Variants in PCDHGA4 observed in about 807,000 individuals in gnomAD.
PCDHGA4 encodes protocadherin gamma-A4.
In PCDHGA4, 38 loss-of-function variants were observed where a neutral mutation model predicts 54.6. That is an observed-to-expected ratio of 0.70 (90% CI 0.54 to 0.91). The LOEUF (loss-of-function observed/expected upper bound fraction) is 0.91. PCDHGA4 is among the 40% of genes least tolerant of loss of function. The pLI, the probability that PCDHGA4 is intolerant of heterozygous loss-of-function variation, is 0.00. For synonymous variants in PCDHGA4, 511 were observed against 512.9 expected (o/e 1.00, Z 0.05); for missense variants, 1,298 against 1,220.9 (o/e 1.06, Z -0.94).
rs766638463 is a variant in PCDHGA4 at position 141,476,525 on chromosome 5, A to G, written c.2515-18282A>G. ...CAACGACAACAATCCTGCTTTCCCT[A>G]CCCAGGAAATGAAATTGGAGATTAG... On this transcript the variant is annotated intron_variant, in intron 1 of 3. Transcript: ENST00000571252. This position sits in a 1 kb window ranked among gnomAD's most constrained non-coding sequence, Gnocchi z 7.6. 6 of 1,613,950 alleles carry G rather than the reference A, an allele frequency of 3.7e-6. No homozygotes were observed. The African/African-American group carries it at 6.7e-5, about 18-fold the overall frequency.
At position 141,408,540 on chromosome 5, in the gene PCDHGA4, C is replaced by T. The variant is rs201370009; in HGVS notation, c.2514+50919C>T. On this transcript the variant is annotated intron_variant, in intron 1 of 3. Transcript: ENST00000571252. ...CAATTGGAAGCTGTGGTGGAAAATCCTTTAAATATTTTTCATGTCATTGTG... is the reference window on the plus strand; with the variant it reads ...CAATTGGAAGCTGTGGTGGAAAATCTTTTAAATATTTTTCATGTCATTGTG... The T allele has an allele frequency of 1.6e-3, 2,593 of 1,614,046 alleles. 3 individuals are homozygous for T. Among genetic ancestry groups the T allele is most frequent in the Middle Eastern group, 4.5e-3 (27 of 6,062 alleles).
chr5:141,357,723 T>C, intron 1 of PCDHGA4, 102 bp downstream of exon 1: 2 of 1,391,112 alleles, frequency 1.4e-6, no homozygotes, highest in Admixed American at 5.3e-5. Flanking sequence ...AAGTTGCCTC[T>C]TTTAATATTT....
chr5:141,388,779 A>C lies in PCDHGA4; in HGVS notation c.2514+31158A>C, dbSNP rs2091486135. The C allele has an allele frequency of 4.3e-6, 7 of 1,613,974 alleles. No individual in the cohort carries two copies. In the East Asian group the frequency reaches 1.6e-4, roughly 36 times the overall value. On this transcript the variant is annotated intron_variant, in intron 1 of 3. Coordinates refer to ENST00000571252, the MANE Select transcript of PCDHGA4 (RefSeq NM_018917.4). ...TGACCTGAACTCTAACACCGGGGAAATTACTGTTTTAAATACATTAGATTT... is the reference window on the plus strand; with the variant it reads ...TGACCTGAACTCTAACACCGGGGAACTTACTGTTTTAAATACATTAGATTT...
chr5:141,382,131 C>G (rs2150200415), intron 1 of PCDHGA4, among the ~76,000 whole-genome samples: 1 of 152,134 alleles, frequency 6.6e-6, no homozygotes, highest in African/African-American at 2.4e-5. Flanking sequence ...CCTGGCCCCC[C>G]CTCTCATTTT....
At chr5:141,421,616 AC>A in intron 1 of PCDHGA4, 1 of 1,613,792 alleles carries the variant, frequency 6.2e-7, no homozygotes, top group Non-Finnish European at 8.5e-7. Context: ...ATTAATGATA[AC>A]GCCCCCAGCT....
At chr5:141,402,796 A>C in intron 1 of PCDHGA4, 1 of 1,040,680 alleles carries the variant, frequency 9.6e-7, no homozygotes, top group South Asian at 2.0e-5. Flanking sequence ...GGCTACACAA[A>C]ACCCGGCAGA....
intron 1 of PCDHGA4, chr5:141,410,485 A>C (rs1277289074): frequency 6.2e-7 from 1 of 1,613,898 alleles, no homozygotes; most frequent in Admixed American, 1.7e-5. Context: ...ATACGGGTAC[A>C]AAAGAGTTTA....
Position 141,486,278 on chromosome 5 carries a change from G to C in PCDHGA4, c.2515-8529G>C, listed in dbSNP as rs774763063. On this transcript the variant is annotated intron_variant, in intron 1 of 3. Coordinates refer to ENST00000571252, the MANE Select transcript of PCDHGA4 (RefSeq NM_018917.4). The surrounding 1 kb of genome is among the most constrained non-coding windows in gnomAD (Gnocchi z 5.0). ...CGAGAGTGCAGAACCTGGCACTGTG[G>C]TGGCACTTATCAGTGTGCAGGATCC... is the stretch of plus-strand genomic sequence containing the variant. 4 of 1,613,970 alleles carry C rather than the reference G, an allele frequency of 2.5e-6. No individual in the cohort carries two copies. In the South Asian group the frequency reaches 4.4e-5, roughly 18 times the overall value.
intron 1 of PCDHGA4, chr5:141,383,525 A>C: frequency 6.2e-7 from 1 of 1,612,320 alleles, no homozygotes; most frequent in Non-Finnish European, 8.5e-7. Context: ...CGGGTTCACC[A>C]CCTGGTCCTC....
intron 1 of PCDHGA4, among the ~76,000 whole-genome samples, chr5:141,401,455 A>G (rs1589438348): frequency 6.6e-6 from 1 of 152,256 alleles, no homozygotes; most frequent in East Asian, 1.9e-4. Flanking sequence ...AATCATCCAA[A>G]TAATTTTCTA....
chr5:141,389,905 C>T (rs1254194844), intron 1 of PCDHGA4: 1 of 1,613,984 alleles, frequency 6.2e-7, no homozygotes, highest in Non-Finnish European at 8.5e-7. Flanking sequence ...CCGGATATCA[C>T]TGACCGCCCC....
chr5:141,480,414 CAA>C (rs10712552), intron 1 of PCDHGA4, among the ~76,000 whole-genome samples: 346 of 147,498 alleles, frequency 2.3e-3, no homozygotes, highest in African/African-American at 8.3e-3. Flanking sequence ...GACCCTGTCT[CAA>C]AAAAAAAAAT....
At chr5:141,426,096 T>C (rs1296875718) in intron 1 of PCDHGA4, among the ~76,000 whole-genome samples, 6 of 152,230 alleles carry the variant, frequency 3.9e-5, no homozygotes, top group Non-Finnish European at 8.8e-5. Flanking sequence ...GATATTCTGT[T>C]CAGTCACAGA....
At position 141,422,880 on chromosome 5, in the gene PCDHGA4, G is replaced by C. The variant is rs970045921; in HGVS notation, c.2514+65259G>C. The C allele has an allele frequency of 7.4e-6, 12 of 1,614,140 alleles. No individual in the cohort carries two copies. In the Admixed American group the frequency reaches 2.0e-4, roughly 27 times the overall value. ...TCAGCAGCAACGTGTCGCTGAGCCT[G>C]TTCGTGCTGGACCAGAACGACAATG... On this transcript the variant is annotated intron_variant, in intron 1 of 3. Coordinates refer to ENST00000571252, the MANE Select transcript of PCDHGA4 (RefSeq NM_018917.4).
At chr5:141,437,225 T>C (rs943242286) in intron 1 of PCDHGA4, among the ~76,000 whole-genome samples, 2 of 152,240 alleles carry the variant, frequency 1.3e-5, no homozygotes, top group Admixed American at 1.3e-4. Flanking sequence ...ATTCCAGTCA[T>C]AAAATTATGT....
rs773624580 is a variant in PCDHGA4 at position 141,489,715 on chromosome 5, G to A, written c.2515-5092G>A. On this transcript the variant is annotated intron_variant, in intron 1 of 3. Transcript: ENST00000571252. The surrounding 1 kb of genome is among the most constrained non-coding windows in gnomAD (Gnocchi z 4.5). ...ACGATTCCCACTGGACAGTGCCCAG[G>A]ATCCGGATGTGGGCACCAATACTGT... The A allele has an allele frequency of 6.2e-6, 10 of 1,614,004 alleles. No homozygotes were observed. The highest frequency in any genetic ancestry group is 2.2e-5 in the East Asian group (1 of 44,886).
At chr5:141,376,788 G>A (rs944207667) in intron 1 of PCDHGA4, 10 of 365,346 alleles carry the variant, frequency 2.7e-5, no homozygotes, top group Non-Finnish European at 4.9e-5. Context: ...CCGGGTTCAC[G>A]CCATTCTCCT....
chr5:141,471,006 T>A (rs560578929), intron 1 of PCDHGA4, among the ~76,000 whole-genome samples: 57 of 150,804 alleles, frequency 3.8e-4, no homozygotes, highest in African/African-American at 1.3e-3. Context: ...CATGAGCCAC[T>A]GTGCCTGGTC....
intron 1 of PCDHGA4, chr5:141,441,653 G>T: frequency 4.1e-6 from 1 of 243,884 alleles, no homozygotes; most frequent in Non-Finnish European, 8.2e-6. Context: ...GATTCTAGGT[G>T]TCCTTGAGCG....
Sources: gnomAD v4.1 joint callset for allele counts (sites outside exome capture counted in the v4.1 genomes callset) on GRCh38, gnomAD v4.1.1 for gene constraint, Gnocchi (gnomAD v3.1) non-coding constraint, MANE v1.5 for transcripts, NCBI Gene and HGNC (gene_info 2026-07-23, HGNC 2026-07-21) for gene names.